HERC4: variants seen among roughly 807,000 people sequenced by gnomAD.
HERC4 encodes HECT and RLD domain containing E3 ubiquitin protein ligase 4.
In HERC4, 28 loss-of-function variants were observed where a neutral mutation model predicts 124.3. The observed-to-expected ratio is 0.23, with a 90% CI of 0.17 to 0.31. The LOEUF (loss-of-function observed/expected upper bound fraction) is 0.31, where lower values mean the gene tolerates loss of function less well. Ranked by LOEUF, HERC4 falls within the 10% of genes least tolerant of loss-of-function variation. The pLI, the probability that HERC4 is intolerant of heterozygous loss-of-function variation, is 1.00. For synonymous variants in HERC4, 407 were observed against 421.5 expected (o/e 0.97, Z 0.42); for missense variants, 713 against 1,229.3 (o/e 0.58, Z 6.28).
chr10:67,994,888 C>T (rs1329669318), intron 9 of HERC4: 2 of 164,334 alleles, frequency 1.2e-5, no homozygotes, highest in Non-Finnish European at 2.6e-5. Context: ...TGGGGTTTCA[C>T]CATTTTGGTC....
chr10:68,053,980 T>A (rs1378012862), intron 3 of HERC4, among the ~76,000 whole-genome samples: 1 of 152,176 alleles, frequency 6.6e-6, no homozygotes, highest in East Asian at 1.9e-4. Flanking sequence ...TTTAAAGAGA[T>A]CATTTCAACT....
intron 14 of HERC4, among the ~76,000 whole-genome samples, chr10:67,989,256 G>T (rs2036427075): frequency 6.6e-6 from 1 of 151,924 alleles, no homozygotes. Context: ...TTTAATATAT[G>T]GTTGAAATAT....
chr10:67,993,524 T>TA (rs200601996), intron 9 of HERC4: 13,429 of 137,354 alleles, frequency 0.098, 939 homozygotes, highest in East Asian at 0.41. Flanking sequence ...GACCCATCTC[T>TA]AAAAAAAAAA....
intron 15 of HERC4, among the ~76,000 whole-genome samples, chr10:67,971,925 T>TTC (rs913412272): frequency 1.3e-5 from 2 of 152,092 alleles, no homozygotes; most frequent in Admixed American, 1.3e-4. Flanking sequence ...TCAATTGATT[T>TTC]TCTCTAGGCC....
At chr10:68,043,471 A>T (rs1222185420) in intron 4 of HERC4, among the ~76,000 whole-genome samples, 1 of 152,172 alleles carries the variant, frequency 6.6e-6, no homozygotes, top group Non-Finnish European at 1.5e-5. Context: ...TGAATACTGA[A>T]ATCTGTATAT....
At chr10:67,991,493 T>C (rs1355136160) in intron 11 of HERC4, among the ~76,000 whole-genome samples, 1 of 152,184 alleles carries the variant, frequency 6.6e-6, no homozygotes, top group Non-Finnish European at 1.5e-5. Flanking sequence ...TATGTTCATG[T>C]AAAAAGTTTT....
chr10:68,033,296 T>C (rs996880160), intron 6 of HERC4, among the ~76,000 whole-genome samples: 1 of 152,218 alleles, frequency 6.6e-6, no homozygotes, highest in Non-Finnish European at 1.5e-5. Flanking sequence ...ATATTTTTCT[T>C]ATGCAAAACA....
At chr10:68,040,937 T>C (rs187766705) in intron 4 of HERC4, among the ~76,000 whole-genome samples, 35 of 151,098 alleles carry the variant, frequency 2.3e-4, no homozygotes, top group Non-Finnish European at 1.2e-4. Context: ...GAAGCCAGAA[T>C]AAATTTTGTA....
intron 8 of HERC4, among the ~76,000 whole-genome samples, chr10:68,022,535 A>C (rs2038689669): frequency 6.6e-6 from 1 of 151,000 alleles, no homozygotes; most frequent in South Asian, 2.1e-4. Context: ...AAATAAATAA[A>C]TAAATAAAAT....
chr10:68,049,590 C>CCAA (rs1554827735), intron 3 of HERC4, among the ~76,000 whole-genome samples: 8 of 42,622 alleles, frequency 1.9e-4, no homozygotes, highest in African/African-American at 9.4e-4. Flanking sequence ...GACACTGCCA[C>CCAA]AAAAAAAAAA....
chr10:68,040,385 C>T (rs1226923230), intron 4 of HERC4: 2 of 938,334 alleles, frequency 2.1e-6, no homozygotes, highest in Non-Finnish European at 1.3e-6. Context: ...GGGATATTGG[C>T]TTTGTTTTCT....
intron 9 of HERC4, among the ~76,000 whole-genome samples, chr10:68,004,771 T>C (rs1374777373): frequency 6.6e-6 from 1 of 152,140 alleles, no homozygotes; most frequent in African/African-American, 2.4e-5. Flanking sequence ...TCGAGCAAAG[T>C]GGGGTAGAGC....
At chr10:67,925,211 T>G (rs1467031645) in intron 23 of HERC4, 24 bp from the exon 24 acceptor site, 1 of 1,337,352 alleles carries the variant, frequency 7.5e-7, no homozygotes, top group Non-Finnish European at 1.1e-6. Flanking sequence ...AATCTTTTAT[T>G]AGTATTAAGG....
chr10:68,006,570 G>C (rs553021078), intron 9 of HERC4, among the ~76,000 whole-genome samples: 9 of 151,838 alleles, frequency 5.9e-5, no homozygotes, highest in African/African-American at 1.9e-4. Context: ...TAGAGATGGG[G>C]TTTTGCCACG....
At chr10:68,014,556 A>C (rs1220818889) in intron 8 of HERC4, among the ~76,000 whole-genome samples, 1 of 152,218 alleles carries the variant, frequency 6.6e-6, no homozygotes, top group Admixed American at 6.5e-5. Flanking sequence ...GCTGTGGTCT[A>C]TGAAAGTCCT....
chr10:68,050,575 T>C (rs2040245679), intron 3 of HERC4, among the ~76,000 whole-genome samples: 1 of 151,126 alleles, frequency 6.6e-6, no homozygotes, highest in East Asian at 1.9e-4. Flanking sequence ...CAGCAATACA[T>C]TATTATAAAA....
chr10:67,940,884 C>A (rs895558005), intron 20 of HERC4, 55 bp downstream of exon 20: 1 of 1,414,732 alleles, frequency 7.1e-7, no homozygotes, highest in African/African-American at 1.5e-5. Context: ...TCTGTACCTT[C>A]CCCACTTTTT....
intron 4 of HERC4, among the ~76,000 whole-genome samples, chr10:68,041,008 G>A (rs1308014354): frequency 6.6e-6 from 1 of 151,724 alleles, no homozygotes; most frequent in Non-Finnish European, 1.5e-5. Flanking sequence ...CCTTCCTTTG[G>A]GACTCTGCTA....
At chr10:67,965,663 T>C (rs2034819508) in intron 16 of HERC4, 1 of 152,154 alleles carries the variant, frequency 6.6e-6, no homozygotes, top group Admixed American at 6.5e-5. Context: ...TTACTAGACA[T>C]ATTCTAGACA....
Sources: gnomAD v4.1 joint callset for allele counts (sites outside exome capture counted in the v4.1 genomes callset) on GRCh38, gnomAD v4.1.1 for gene constraint, MANE v1.5 for transcripts, NCBI Gene and HGNC (gene_info 2026-07-23, HGNC 2026-07-21) for gene names.